The following TIAM2 variants were observed in gnomAD, a reference collection of about 807,000 sequenced individuals.
TIAM2 encodes rho guanine nucleotide exchange factor TIAM2.
A neutral mutation model predicts 152.9 loss-of-function variants in TIAM2; 80 were observed. The observed-to-expected ratio is 0.52, with a 90% CI of 0.44 to 0.63. The LOEUF (loss-of-function observed/expected upper bound fraction) is 0.63, where lower values mean the gene tolerates loss of function less well. Ranked by LOEUF, TIAM2 falls within the 30% of genes least tolerant of loss-of-function variation. The probability of loss-of-function intolerance (pLI) is 0.00; values close to 1 mark genes in which losing one functional copy is unlikely to be tolerated. For synonymous variants in TIAM2, 804 were observed against 838.0 expected (o/e 0.96, Z 0.70); for missense variants, 1,965 against 2,120.1 (o/e 0.93, Z 1.44).
intron 1 of TIAM2, among the ~76,000 whole-genome samples, chr6:155,086,286 A>G (rs1778169236): frequency 6.6e-6 from 1 of 152,244 alleles, no homozygotes; most frequent in Non-Finnish European, 1.5e-5. Context: ...CCCGCTGTCT[A>G]CATGAGAGGT....
intron 7 of TIAM2, among the ~76,000 whole-genome samples, chr6:155,151,828 C>CTTTT (rs5881122): frequency 1.4e-5 from 2 of 144,474 alleles, no homozygotes; most frequent in African/African-American, 5.1e-5. Flanking sequence ...TCTATAGAAT[C>CTTTT]TTTTTTTTTT....
At chr6:155,122,946 G>T (rs1173206476) in intron 2 of TIAM2, among the ~76,000 whole-genome samples, 3 of 147,788 alleles carry the variant, frequency 2.0e-5, no homozygotes, top group Admixed American at 6.8e-5. Flanking sequence ...TTTTAAACTT[G>T]AATATCATAA....
chr6:155,139,270 A>G (rs1176536968), intron 5 of TIAM2, among the ~76,000 whole-genome samples: 1 of 152,148 alleles, frequency 6.6e-6, no homozygotes, highest in East Asian at 1.9e-4. Flanking sequence ...CTTCGTTACC[A>G]CAAGCCCCTC....
At chr6:155,133,787 T>C (rs932565332) in intron 4 of TIAM2, among the ~76,000 whole-genome samples, 3 of 152,000 alleles carry the variant, frequency 2.0e-5, no homozygotes, top group Non-Finnish European at 4.4e-5. Flanking sequence ...CAGGCTGTAG[T>C]GCAGTGGCGC....
At chr6:155,035,101 G>GACTTGATT (rs2114896794) in intron 1 of TIAM2, among the ~76,000 whole-genome samples, 1 of 152,206 alleles carries the variant, frequency 6.6e-6, no homozygotes, top group South Asian at 2.1e-4. Flanking sequence ...TGGAGGGAAT[G>GACTTGATT]ACTTGATTAT....
intron 13 of TIAM2, among the ~76,000 whole-genome samples, chr6:155,182,708 G>C (rs1780937761): frequency 6.6e-6 from 1 of 152,098 alleles, no homozygotes. Flanking sequence ...TATAGACAGA[G>C]GGAAGGAGGA....
At chr6:155,009,091 CTTTTTTT>C (rs61651734) in intron 1 of TIAM2, among the ~76,000 whole-genome samples, 1,005 of 61,516 alleles carry the variant, frequency 0.016, 9 homozygotes, top group African/African-American at 0.026. Flanking sequence ...CTCAGAAGAT[CTTTTTTT>C]TTTTTTTTTT....
intron 1 of TIAM2, 124 bp from the exon 2 acceptor site, chr6:155,090,165 A>G (rs1165832391): frequency 1.3e-5 from 2 of 152,158 alleles, no homozygotes; most frequent in African/African-American, 4.8e-5. Context: ...TCTCTTTCAG[A>G]TTCTTCCTTC....
At chr6:155,042,675 T>C (rs971970013) in intron 1 of TIAM2, among the ~76,000 whole-genome samples, 3 of 152,156 alleles carry the variant, frequency 2.0e-5, no homozygotes, top group Non-Finnish European at 4.4e-5. Flanking sequence ...TGTATATATT[T>C]TATGGTGTAC....
At position 155,165,403 on chromosome 6, in the gene TIAM2, A is replaced by C; in HGVS notation, c.2355A>C (p.Ile785=). 1 of 1,609,998 alleles carries C rather than the reference A, an allele frequency of 6.2e-7. No individual in the cohort carries two copies. Among genetic ancestry groups the C allele is most frequent in the South Asian group, 1.1e-5 (1 of 90,164 alleles). Residue 785 remains isoleucine (I), a synonymous_variant, in exon 9 of 27, where the codon ATA becomes ATC. Coordinates refer to ENST00000682666, the MANE Select transcript of TIAM2 (RefSeq NM_012454.4). ...ARKGKEKRPS[I]TQVDELLHIY... is the part of the protein sequence containing the mutation. ...AAGGCAAGGAGAAGAGACCTTCTATAACTCAGGTGAGCTTTTCAGCATGGG... is the reference window on the plus strand; with the variant it reads ...AAGGCAAGGAGAAGAGACCTTCTATCACTCAGGTGAGCTTTTCAGCATGGG...
Position 155,247,984 on chromosome 6 carries a change from A to T in TIAM2, c.3653-16A>T. ...CCACTGTGCTCTTCTGAGGTCTTTTATCCATCTGCTTGTAGCTAAAACTGA... is the reference window on the plus strand; with the variant it reads ...CCACTGTGCTCTTCTGAGGTCTTTTTTCCATCTGCTTGTAGCTAAAACTGA... On this transcript the variant is annotated splice_polypyrimidine_tract_variant and intron_variant, in intron 19 of 26. Coordinates refer to ENST00000682666, the MANE Select transcript of TIAM2 (RefSeq NM_012454.4). 3 of 1,612,114 alleles carry T rather than the reference A, an allele frequency of 1.9e-6. No homozygotes were observed. Among genetic ancestry groups the T allele is most frequent in the Non-Finnish European group, 2.5e-6 (3 of 1,178,784 alleles).
At chr6:155,203,348 C>A (rs1781522921) in intron 14 of TIAM2, among the ~76,000 whole-genome samples, 1 of 152,112 alleles carries the variant, frequency 6.6e-6, no homozygotes, top group Admixed American at 6.5e-5. Context: ...TTCTGAGTTT[C>A]TTTTCTGATC....
chr6:155,081,316 G>A (rs538217549), intron 1 of TIAM2, among the ~76,000 whole-genome samples: 1 of 150,502 alleles, frequency 6.6e-6, no homozygotes, highest in Non-Finnish European at 1.5e-5. Flanking sequence ...CCCCGCCCAT[G>A]TACTTACAGT....
chr6:155,163,852 A>G (rs1780337755), intron 7 of TIAM2, among the ~76,000 whole-genome samples: 1 of 152,216 alleles, frequency 6.6e-6, no homozygotes, highest in South Asian at 2.1e-4. Context: ...GGCATTCTCC[A>G]AACAAACATC....
intron 1 of TIAM2, among the ~76,000 whole-genome samples, chr6:155,088,623 T>C (rs1201025247): frequency 2.6e-5 from 4 of 152,148 alleles, no homozygotes; most frequent in Non-Finnish European, 5.9e-5. Flanking sequence ...TCTAAATAAC[T>C]GGGCTGAGCT....
intron 1 of TIAM2, among the ~76,000 whole-genome samples, chr6:155,019,926 G>A (rs1338494411): frequency 6.6e-6 from 1 of 152,046 alleles, no homozygotes. Context: ...GGTGCTGGGC[G>A]CCTGTAGTCC....
intron 12 of TIAM2, among the ~76,000 whole-genome samples, chr6:155,181,875 A>G (rs1780911016): frequency 6.6e-6 from 1 of 152,178 alleles, no homozygotes; most frequent in African/African-American, 2.4e-5. Flanking sequence ...TTAAGACTGA[A>G]TGATACTCCA....
rs1336863010 is a variant in TIAM2, at chr6:155,114,056, T to A, written c.-117-13434T>A. ...TATATATTTTTTTTTTTTTCTTTTT[T>A]TTTTTTTTTTTTTTTGAAATGGAGT... is the stretch of plus-strand genomic sequence containing the variant. On this transcript the variant is annotated intron_variant, in intron 2 of 26. Coordinates refer to ENST00000682666, the MANE Select transcript of TIAM2 (RefSeq NM_012454.4). 5.3e-3 allele frequency among the ~76,000 whole-genome samples: 533 copies of A among 100,384 alleles called. 6 individuals are homozygous for A. Among genetic ancestry groups the A allele is most frequent in the Non-Finnish European group, 8.9e-3 (438 of 49,380 alleles). The allele number at this position is 100,384 out of a possible 152,430, so 65.9% of individuals were successfully genotyped here.
intron 1 of TIAM2, among the ~76,000 whole-genome samples, chr6:155,028,867 ATC>A (rs1562294672): frequency 0.019 from 2,376 of 124,002 alleles, 782 homozygotes; most frequent in East Asian, 0.033. Flanking sequence ...TGTATATACT[ATC>A]TATACTATGT....
Sources: gnomAD v4.1 joint callset for allele counts (sites outside exome capture counted in the v4.1 genomes callset) on GRCh38, gnomAD v4.1.1 for gene constraint, MANE v1.5 for transcripts, NCBI Gene and HGNC (gene_info 2026-07-23, HGNC 2026-07-21) for gene names.